Variants in CENPQ observed in about 807,000 individuals in gnomAD.
CENPQ encodes centromere protein Q.
A neutral mutation model predicts 36.6 loss-of-function variants in CENPQ; 27 were observed. The observed-to-expected ratio is 0.74, with a 90% CI of 0.54 to 1.02. The LOEUF (loss-of-function observed/expected upper bound fraction) is 1.02, where lower values mean the gene tolerates loss of function less well. Among genes scored for constraint, CENPQ ranks in the 50% least tolerant of loss-of-function variants. The pLI is 0.00. For missense variants in CENPQ, 306 were observed against 301.8 expected, an observed-to-expected ratio of 1.01 and a Z score of -0.10; for synonymous variants, 101 against 101.7, an observed-to-expected ratio of 0.99 and a Z score of 0.04.
chr6:49,478,863 G>A (rs1768364413), intron 5 of CENPQ, among the ~76,000 whole-genome samples: 2 of 152,214 alleles, frequency 1.3e-5, no homozygotes, highest in South Asian at 2.1e-4. Flanking sequence ...TATAAGTGGT[G>A]ATTAAATGTT....
chr6:49,481,068 G>A lies in CENPQ; in HGVS notation c.465G>A (p.Leu155=), dbSNP rs1210021415. Residue 155 remains leucine (L), a synonymous_variant, in exon 6 of 9, where the codon CTG becomes CTA. Transcript: ENST00000335783. ...GAGACAAAGCTAATGAAGAAGGTCTGGCATTACTACAGGTATGAAATTTGA... is the reference window on the plus strand; with the variant it reads ...GAGACAAAGCTAATGAAGAAGGTCTAGCATTACTACAGGTATGAAATTTGA... ...RARDKANEEG[L]ALLQEEIDKM... 6.2e-7 allele frequency: 1 copy of A among 1,605,962 alleles called. No individual in the cohort carries two copies. The highest frequency in any genetic ancestry group is 8.5e-7 in the Non-Finnish European group (1 of 1,177,584).
At position 49,472,186 on chromosome 6, in the gene CENPQ, G is replaced by A; in HGVS notation, c.278+3G>A. 6.3e-7 allele frequency: 1 copy of A among 1,597,464 alleles called. No homozygotes were observed. The highest frequency in any genetic ancestry group is 8.5e-7 in the Non-Finnish European group (1 of 1,172,594). ...ACTATGATGGAATCAGTAATAATGT[G>A]AGTATAAAATTGTTCCATTTCATTC... On this transcript the variant is annotated splice_donor_region_variant and intron_variant, in intron 4 of 8. Coordinates refer to ENST00000335783, the MANE Select transcript of CENPQ (RefSeq NM_018132.4).
rs764690885 is a variant in CENPQ, at chr6:49,492,138, C to T, written c.676-6C>T. 4 of 1,591,964 alleles carry T rather than the reference C, an allele frequency of 2.5e-6. No homozygotes were observed. Among genetic ancestry groups the T allele is most frequent in the Non-Finnish European group, 3.4e-6 (4 of 1,170,946 alleles). On this transcript the variant is annotated splice_polypyrimidine_tract_variant and splice_region_variant and intron_variant, in intron 8 of 8. Transcript: ENST00000335783. ...ACAACTACATTTAATACTATCTTTC[C>T]CACAGAAAGAAATTTTGGCGCTAAT...
At chr6:49,463,817 G>A (rs773732161) in intron 1 of CENPQ, among the ~76,000 whole-genome samples, 13 of 152,208 alleles carry the variant, frequency 8.5e-5, no homozygotes, top group Non-Finnish European at 1.5e-4. Flanking sequence ...GGTCTAAATT[G>A]AGGTAATTGA....
chr6:49,466,139 G>T (rs970176439), intron 1 of CENPQ, among the ~76,000 whole-genome samples: 1 of 152,142 alleles, frequency 6.6e-6, no homozygotes, highest in Non-Finnish European at 1.5e-5. Flanking sequence ...GAGAGGCAGG[G>T]AACAGCCAGT....
chr6:49,488,157 A>G (rs1768633284), intron 6 of CENPQ, among the ~76,000 whole-genome samples, 195 bp from the exon 7 acceptor site: 2 of 152,226 alleles, frequency 1.3e-5, no homozygotes, highest in South Asian at 2.1e-4. Context: ...CTTATAACAC[A>G]TTAATACCTT....
chr6:49,472,926 C>T, intron 5 of CENPQ, 68 bp downstream of exon 5: 1 of 1,095,994 alleles, frequency 9.1e-7, no homozygotes, highest in Non-Finnish European at 1.2e-6. Context: ...TTCTATGTTG[C>T]CAAATAGACA....
chr6:49,486,884 C>T (rs934740835), intron 6 of CENPQ, among the ~76,000 whole-genome samples: 3 of 151,798 alleles, frequency 2.0e-5, no homozygotes, highest in Middle Eastern at 3.4e-3. Flanking sequence ...TGGTGGCTCA[C>T]GCCTGTAATC....
At chr6:49,482,941 G>A (rs1768477597) in intron 6 of CENPQ, among the ~76,000 whole-genome samples, 1 of 152,170 alleles carries the variant, frequency 6.6e-6, no homozygotes. Flanking sequence ...GACCCAAAGA[G>A]TGAGCAGTAG....
intron 6 of CENPQ, among the ~76,000 whole-genome samples, chr6:49,483,139 A>G (rs1768484583): frequency 1.3e-5 from 2 of 152,072 alleles, no homozygotes; most frequent in Non-Finnish European, 2.9e-5. Flanking sequence ...ATAATCCCTG[A>G]GAGCTAGACA....
At chr6:49,488,283 C>T (rs1768636087) in intron 6 of CENPQ, 69 bp from the exon 7 acceptor site, 1 of 1,214,766 alleles carries the variant, frequency 8.2e-7, no homozygotes, top group African/African-American at 1.6e-5. Context: ...GTATGTATAA[C>T]AATATCTATT....
Position 49,476,330 on chromosome 6 carries a change from T to C in CENPQ, c.347+3472T>C, listed in dbSNP as rs181966670. Among the ~76,000 whole-genome samples the C allele has an allele frequency of 4.4e-3, 667 of 152,184 alleles. 6 individuals are homozygous for C. Among genetic ancestry groups the C allele is most frequent in the Non-Finnish European group, 6.9e-3 (466 of 67,952 alleles). On this transcript the variant is annotated intron_variant, in intron 5 of 8. Transcript: ENST00000335783. ...CAAAAACAAGCAATGGGGAAAGGAT[T>C]CCTATTTAATAAATGGTGCTGGGAA... is the stretch of plus-strand genomic sequence containing the variant.
At position 49,468,454 on chromosome 6, in the gene CENPQ, C is replaced by T. The variant is rs373325626; in HGVS notation, c.-18-1705C>T. Reference sequence around the variant, plus strand: ...CTAAAAATACAGAAAATTAGCTGGGCGTGGTGGGGGGTGCCTGTAGTCCCA... The same window carrying T: ...CTAAAAATACAGAAAATTAGCTGGGTGTGGTGGGGGGTGCCTGTAGTCCCA... On this transcript the variant is annotated intron_variant, in intron 1 of 8. Coordinates refer to ENST00000335783, the MANE Select transcript of CENPQ (RefSeq NM_018132.4). 1.3e-4 allele frequency among the ~76,000 whole-genome samples: 19 copies of T among 150,958 alleles called. 2 individuals are homozygous for T. In the East Asian group the frequency reaches 2.7e-3, roughly 22 times the overall value.
Position 49,488,615 on chromosome 6 carries a change from A to G in CENPQ, c.606A>G (p.Gln202=), listed in dbSNP as rs773396952. The part of the protein sequence containing the change: ...EEEERVKQMH[Q]INSSGVLSLP... ...GCTTTCTTCTACTTTAGATGCATCA[A>G]ATAAATAGTAGTGGAGTACTCTCTC... is the stretch of plus-strand genomic sequence containing the variant. The change falls in exon 8 of 9, where the codon CAA becomes CAG. Residue 202 remains glutamine (Q), a synonymous_variant. Transcript: ENST00000335783. 24 of 1,613,324 alleles carry G rather than the reference A, an allele frequency of 1.5e-5. No homozygotes were observed. Among genetic ancestry groups the G allele is most frequent in the Non-Finnish European group, 2.0e-5 (23 of 1,179,434 alleles).
At chr6:49,488,296 G>A in intron 6 of CENPQ, 56 bp from the exon 7 acceptor site, 1 of 1,344,204 alleles carries the variant, frequency 7.4e-7, no homozygotes, top group Non-Finnish European at 1.0e-6. Context: ...TATCTATTAG[G>A]ATTTAATATA....
intron 6 of CENPQ, 99 bp from the exon 7 acceptor site, chr6:49,488,253 A>T: frequency 1.2e-6 from 1 of 860,892 alleles, no homozygotes; most frequent in East Asian, 2.9e-5. Context: ...TTAAATATAT[A>T]TGGTGTTTTT....
At chr6:49,483,534 G>A (rs1389247094) in intron 6 of CENPQ, among the ~76,000 whole-genome samples, 3 of 152,278 alleles carry the variant, frequency 2.0e-5, no homozygotes, top group African/African-American at 7.2e-5. Context: ...GCTCAGGCAT[G>A]TCGGGCTGCA....
At chr6:49,484,197 C>CTCACTCTAAGCA (rs1270226325) in intron 6 of CENPQ, among the ~76,000 whole-genome samples, 1 of 152,074 alleles carries the variant, frequency 6.6e-6, no homozygotes, top group Non-Finnish European at 1.5e-5. Context: ...TAGTTATATC[C>CTCACTCTAAGCA]CTTAATCCTC....
chr6:49,476,985 G>A (rs545498913), intron 5 of CENPQ, among the ~76,000 whole-genome samples: 1 of 152,338 alleles, frequency 6.6e-6, no homozygotes, highest in East Asian at 1.9e-4. Flanking sequence ...CTGTAAACTA[G>A]TTCAACCATT....
Sources: gnomAD v4.1 joint callset for allele counts (sites outside exome capture counted in the v4.1 genomes callset) on GRCh38, gnomAD v4.1.1 for gene constraint, MANE v1.5 for transcripts, NCBI Gene and HGNC (gene_info 2026-07-23, HGNC 2026-07-21) for gene names.